The following MAP2K5 variants were observed in gnomAD, a reference collection of about 807,000 sequenced individuals.
MAP2K5 encodes the protein mitogen-activated protein kinase kinase 5, also known as dual specificity mitogen-activated protein kinase kinase 5.
A neutral mutation model predicts 83.1 loss-of-function variants in MAP2K5; 49 were observed. The observed-to-expected ratio is 0.59, with a 90% CI of 0.47 to 0.75. The LOEUF is 0.75. Ranked by LOEUF, MAP2K5 falls within the 30% of genes least tolerant of loss-of-function variation. The probability of loss-of-function intolerance (pLI) is 0.00; values close to 1 mark genes in which losing one functional copy is unlikely to be tolerated. For synonymous variants in MAP2K5, 202 were observed against 191.8 expected, an observed-to-expected ratio of 1.05 and a Z score of -0.44; for missense variants, 457 against 557.5, an observed-to-expected ratio of 0.82 and a Z score of 1.82.
intron 17 of MAP2K5, among the ~76,000 whole-genome samples, chr15:67,745,547 G>A (rs2089587099): frequency 6.6e-6 from 1 of 152,192 alleles, no homozygotes; most frequent in African/African-American, 2.4e-5. Flanking sequence ...AAAGAGTTTA[G>A]CAGTGAAAAA....
chr15:67,740,894 G>A (rs1369769609), intron 17 of MAP2K5, among the ~76,000 whole-genome samples: 4 of 152,086 alleles, frequency 2.6e-5, no homozygotes, highest in Non-Finnish European at 5.9e-5. Context: ...CAGACATGGT[G>A]GCATGCATCT....
At chr15:67,703,277 T>A (rs767900558) in intron 15 of MAP2K5, 60 bp from the exon 16 acceptor site, 2 of 1,229,918 alleles carry the variant, frequency 1.6e-6, no homozygotes, top group African/African-American at 1.5e-5. Context: ...CTTATTTTGG[T>A]GTATGTGTTT....
intron 19 of MAP2K5, among the ~76,000 whole-genome samples, chr15:67,762,530 A>T (rs1251708785): frequency 6.6e-6 from 1 of 151,204 alleles, no homozygotes; most frequent in Non-Finnish European, 1.5e-5. Flanking sequence ...TGTTTACAAC[A>T]TTTCTAAGTA....
At chr15:67,772,685 G>A (rs2090165398) in intron 20 of MAP2K5, 22 bp from the exon 21 acceptor site, 1 of 1,525,388 alleles carries the variant, frequency 6.6e-7, no homozygotes, top group East Asian at 2.4e-5. Context: ...TAACATAAGG[G>A]GTTTTTTTCT....
intron 16 of MAP2K5, among the ~76,000 whole-genome samples, chr15:67,705,876 A>T (rs1464316009): frequency 1.3e-5 from 2 of 152,216 alleles, no homozygotes; most frequent in Non-Finnish European, 2.9e-5. Flanking sequence ...CTCTCAGCGT[A>T]TTTAAGGAAG....
At position 67,749,187 on chromosome 15, in the gene MAP2K5, T is replaced by C. The variant is rs2089668571; in HGVS notation, c.1134+586T>C. 6.6e-6 allele frequency among the ~76,000 whole-genome samples: 1 copy of C among 152,226 alleles called. No individual in the cohort carries two copies. The highest frequency in any genetic ancestry group is 1.5e-5 in the Non-Finnish European group (1 of 68,040). ...TAATTGAGCTTACTTCTGATCATCC[T>C]TATCCATTGAATTCCACTGTTCCTT... On this transcript the variant is annotated intron_variant, in intron 19 of 21. Coordinates refer to ENST00000178640, the MANE Select transcript of MAP2K5 (RefSeq NM_145160.3). This position sits in a 1 kb window ranked among gnomAD's most constrained non-coding sequence, Gnocchi z 4.6.
rs1437571921 is a variant in MAP2K5 at position 67,785,537 on chromosome 15, C to T, written c.1242+12785C>T. Among the ~76,000 whole-genome samples the T allele has an allele frequency of 1.3e-5, 2 of 152,130 alleles. No homozygotes were observed. The highest frequency in any genetic ancestry group is 4.8e-5 in the African/African-American group (2 of 41,434). On this transcript the variant is annotated intron_variant, in intron 21 of 21. Transcript: ENST00000178640. This position sits in a 1 kb window ranked among gnomAD's most constrained non-coding sequence, Gnocchi z 4.4. Reference sequence around the variant, plus strand: ...ATACATGCAAACAAAGTAGTCAGGTCACACAAACAGGAAGCCAAACAATCG... The same window carrying T: ...ATACATGCAAACAAAGTAGTCAGGTTACACAAACAGGAAGCCAAACAATCG...
At chr15:67,671,675 A>G (rs1196827851) in intron 13 of MAP2K5, among the ~76,000 whole-genome samples, 4 of 151,922 alleles carry the variant, frequency 2.6e-5, no homozygotes, top group African/African-American at 9.7e-5. Context: ...TTTTATTATC[A>G]TTATACTTTA....
At chr15:67,772,869 A>G in intron 21 of MAP2K5, 117 bp downstream of exon 21, 1 of 661,262 alleles carries the variant, frequency 1.5e-6, no homozygotes, top group Non-Finnish European at 2.4e-6. Context: ...AGGCAACATT[A>G]TTTACTTCAT....
At position 67,676,109 on chromosome 15, in the gene MAP2K5, G is replaced by A. The variant is rs1272814818; in HGVS notation, c.847+11464G>A. Among the ~76,000 whole-genome samples, 1 of 152,136 alleles carries A rather than the reference G, an allele frequency of 6.6e-6. No homozygotes were observed. The highest frequency in any genetic ancestry group is 1.5e-5 in the Non-Finnish European group (1 of 68,038). ...GGGTAAGCTTCTATCCAACCACCCA[G>A]CAAGATGCCCCCAGTGTGTGGATGA... is the stretch of plus-strand genomic sequence containing the variant. On this transcript the variant is annotated intron_variant, in intron 13 of 21. Transcript: ENST00000178640. The surrounding 1 kb of genome is among the most constrained non-coding windows in gnomAD (Gnocchi z 4.8).
intron 13 of MAP2K5, among the ~76,000 whole-genome samples, chr15:67,680,201 A>G (rs2087784069): frequency 6.6e-6 from 1 of 152,178 alleles, no homozygotes; most frequent in Admixed American, 6.5e-5. Flanking sequence ...TGGATATATC[A>G]CATTTTGTCT....
chr15:67,772,801 GT>G (rs2090167560), intron 21 of MAP2K5, 49 bp downstream of exon 21: 3 of 1,457,324 alleles, frequency 2.1e-6, no homozygotes, highest in Non-Finnish European at 2.8e-6. Context: ...ATATATTTAT[GT>G]TTAACATTCT....
chr15:67,683,390 C>T (rs2087870599), intron 13 of MAP2K5, among the ~76,000 whole-genome samples: 1 of 152,188 alleles, frequency 6.6e-6, no homozygotes, highest in African/African-American at 2.4e-5. Flanking sequence ...TTTATATCTA[C>T]ATTACCTTAA....
intron 2 of MAP2K5, among the ~76,000 whole-genome samples, chr15:67,556,283 C>T (rs1433504692): frequency 6.6e-6 from 1 of 151,782 alleles, no homozygotes. Flanking sequence ...TTCTTTTTTC[C>T]GTGGAGAAGT....
At chr15:67,596,790 G>T (rs2085535436) in intron 7 of MAP2K5, among the ~76,000 whole-genome samples, 1 of 152,172 alleles carries the variant, frequency 6.6e-6, no homozygotes, top group African/African-American at 2.4e-5. Context: ...AACTCCTGTG[G>T]CTTTTTCTTC....
At position 67,638,205 on chromosome 15, in the gene MAP2K5, T is replaced by C. The variant is rs937398244; in HGVS notation, c.585+7278T>C. Among the ~76,000 whole-genome samples, 7 of 152,162 alleles carry C rather than the reference T, an allele frequency of 4.6e-5. No homozygotes were observed. The highest frequency in any genetic ancestry group is 1.7e-4 in the African/African-American group (7 of 41,436). On this transcript the variant is annotated intron_variant, in intron 9 of 21. Coordinates refer to ENST00000178640, the MANE Select transcript of MAP2K5 (RefSeq NM_145160.3). The surrounding 1 kb of genome is among the most constrained non-coding windows in gnomAD (Gnocchi z 4.5). Reference sequence around the variant, plus strand: ...CCTAGTACCTATTAGTTATTTTTCCTGATCATCTCCCCACTTCACCCTCCA... The same window carrying C: ...CCTAGTACCTATTAGTTATTTTTCCCGATCATCTCCCCACTTCACCCTCCA...
rs116811360 is a variant in MAP2K5, at chr15:67,737,807, G to A, written c.1074+9862G>A. Among the ~76,000 whole-genome samples the A allele has an allele frequency of 8.8e-3, 1,329 of 151,856 alleles. 15 individuals are homozygous for A. Among genetic ancestry groups the A allele is most frequent in the African/African-American group, 0.025 (1,050 of 41,378 alleles). The stretch of plus-strand genomic sequence containing the variant: ...AATGTCTGCAGATGGTGACCACCAC[G>A]GGGAGAAGGAAAGAACAGCTTGGGG... On this transcript the variant is annotated intron_variant, in intron 17 of 21. Transcript: ENST00000178640.
In MAP2K5 at chr15:67,600,731, A is replaced by G. The variant is rs752937922; in HGVS notation, c.527A>G (p.Asn176Ser). The change falls in exon 8 of 22, where the codon AAC (asparagine) becomes AGC (serine). Residue 176 changes from asparagine to serine, a missense_variant. Coordinates refer to ENST00000178640, the MANE Select transcript of MAP2K5 (RefSeq NM_145160.3). ...IRYRDTLGHG[N>S]GGTVYKAYHV... is the part of the protein sequence containing the mutation. ...TATCGGGACACTCTTGGTCATGGCA[A>G]CGGAGGCACAGTCTACAAGTGAGTA... 4 of 1,608,520 alleles carry G rather than the reference A, an allele frequency of 2.5e-6. No individual in the cohort carries two copies. Among genetic ancestry groups the G allele is most frequent in the Non-Finnish European group, 3.4e-6 (4 of 1,178,338 alleles).
chr15:67,784,061 G>T (rs8025790), intron 21 of MAP2K5, among the ~76,000 whole-genome samples: 46,235 of 151,960 alleles, frequency 0.3, 8,116 homozygotes, highest in East Asian at 0.59. Flanking sequence ...TTATTATATA[G>T]AGAGAAATGG....
Sources: gnomAD v4.1 joint callset for allele counts (sites outside exome capture counted in the v4.1 genomes callset) on GRCh38, gnomAD v4.1.1 for gene constraint, Gnocchi (gnomAD v3.1) non-coding constraint, MANE v1.5 for transcripts, NCBI Gene and HGNC (gene_info 2026-07-23, HGNC 2026-07-21) for gene names.